The following CSMD2 variants were observed in gnomAD, a reference collection of about 807,000 sequenced individuals.
CSMD2 encodes CUB and Sushi multiple domains 2.
A neutral mutation model predicts 398.5 loss-of-function variants in CSMD2; 130 were observed. The observed-to-expected ratio is 0.33, with a 90% CI of 0.28 to 0.38. The LOEUF is 0.38. CSMD2 is among the 10% of genes least tolerant of loss of function. The pLI is 1.00. For synonymous variants in CSMD2, 1,828 were observed against 1,908.5 expected, an observed-to-expected ratio of 0.96 and a Z score of 1.10; for missense variants, 3,829 against 4,764.9, an observed-to-expected ratio of 0.80 and a Z score of 5.78.
intron 2 of CSMD2, among the ~76,000 whole-genome samples, chr1:34,087,982 G>C (rs930220678): frequency 1.3e-5 from 2 of 151,890 alleles, no homozygotes; most frequent in African/African-American, 4.8e-5. Context: ...GGCCCCAGAT[G>C]CCCCCCCGCC....
intron 13 of CSMD2, among the ~76,000 whole-genome samples, chr1:33,758,862 T>C (rs1179817748): frequency 1.3e-5 from 2 of 152,192 alleles, no homozygotes; most frequent in Admixed American, 1.3e-4. Context: ...CCTTCTGGCA[T>C]GAGAACAACA....
At chr1:33,735,322 G>A (rs903660883) in intron 15 of CSMD2, among the ~76,000 whole-genome samples, 7 of 152,200 alleles carry the variant, frequency 4.6e-5, no homozygotes, top group African/African-American at 1.7e-4. Context: ...GTTGAAATGA[G>A]GTGACACTGT....
At chr1:34,009,090 GA>G (rs1373073181) in intron 3 of CSMD2, among the ~76,000 whole-genome samples, 3 of 152,148 alleles carry the variant, frequency 2.0e-5, no homozygotes, top group East Asian at 1.9e-4. Context: ...CAGCTGCAGA[GA>G]ATAAGGGGCT....
At chr1:34,134,052 C>CA (rs59062675) in intron 1 of CSMD2, among the ~76,000 whole-genome samples, 985 of 85,210 alleles carry the variant, frequency 0.012, 37 homozygotes, top group African/African-American at 0.035. Context: ...GACTCTGTCT[C>CA]AAAAAAAAAA....
chr1:34,039,100 A>T (rs1651524457), intron 2 of CSMD2, among the ~76,000 whole-genome samples: 1 of 152,076 alleles, frequency 6.6e-6, no homozygotes. Flanking sequence ...AGACCAGCCT[A>T]TTCTGCATGC....
intron 5 of CSMD2, among the ~76,000 whole-genome samples, chr1:33,861,556 T>A (rs979340723): frequency 6.6e-6 from 1 of 152,212 alleles, no homozygotes; most frequent in Non-Finnish European, 1.5e-5. Flanking sequence ...CTCTAGGCTG[T>A]GTGACTGCCA....
intron 13 of CSMD2, among the ~76,000 whole-genome samples, chr1:33,764,230 C>T (rs1475561530): frequency 2.0e-5 from 3 of 152,162 alleles, no homozygotes; most frequent in Admixed American, 6.5e-5. Context: ...TGACCCATTC[C>T]TTCATCCAGG....
intron 4 of CSMD2, among the ~76,000 whole-genome samples, chr1:33,921,671 C>A (rs567560611): frequency 6.6e-6 from 1 of 152,298 alleles, no homozygotes; most frequent in East Asian, 1.9e-4. Context: ...CCCTCAGAGG[C>A]AAGAAGGCCT....
intron 1 of CSMD2, among the ~76,000 whole-genome samples, chr1:34,132,225 G>A (rs1663424427): frequency 6.6e-6 from 1 of 151,942 alleles, no homozygotes; most frequent in Non-Finnish European, 1.5e-5. Context: ...AAGGGAGAAT[G>A]GGAGACCTGT....
At chr1:33,620,806 C>CTTTTTTTT in intron 37 of CSMD2, among the ~76,000 whole-genome samples, 1 of 91,924 alleles carries the variant, frequency 1.1e-5, no homozygotes, top group Non-Finnish European at 2.1e-5. Flanking sequence ...TGTCCTGGGT[C>CTTTTTTTT]TTTTTTTTTT....
At chr1:33,694,725 AACAG>A in intron 24 of CSMD2, among the ~76,000 whole-genome samples, 1 of 152,340 alleles carries the variant, frequency 6.6e-6, no homozygotes, top group South Asian at 2.1e-4. Flanking sequence ...GCAGTGTGAG[AACAG>A]ACTAATATAA....
intron 1 of CSMD2, among the ~76,000 whole-genome samples, chr1:34,095,772 C>T (rs1001511460): frequency 1.3e-5 from 2 of 150,428 alleles, no homozygotes; most frequent in Admixed American, 6.6e-5. Context: ...TAATCAATAG[C>T]TTACCAACCA....
At chr1:33,862,347 GT>G (rs1433991887) in intron 5 of CSMD2, 1 of 88,960 alleles carries the variant, frequency 1.1e-5, no homozygotes, top group African/African-American at 1.4e-4. Flanking sequence ...GCTACTCTGT[GT>G]GTGTGTGTGT....
rs1372862509 is a variant in CSMD2, at chr1:33,792,531, G to A, written c.1447-5C>T. Reference sequence around the variant, plus strand: ...CTCAAAGGCGAGCTTGATCACCTAGGGAGGGAACACAGGGTTAGGAGCAGG... The same window carrying A: ...CTCAAAGGCGAGCTTGATCACCTAGAGAGGGAACACAGGGTTAGGAGCAGG... On this transcript the variant is annotated splice_region_variant and splice_polypyrimidine_tract_variant and intron_variant, in intron 10 of 70. Transcript: ENST00000373381. The A allele has an allele frequency of 6.2e-7, 1 of 1,605,626 alleles. No homozygotes were observed. The highest frequency in any genetic ancestry group is 8.5e-7 in the Non-Finnish European group (1 of 1,172,264).
intron 65 of CSMD2, 33 bp downstream of exon 65, chr1:33,527,163 G>GT: frequency 6.2e-7 from 1 of 1,600,480 alleles, no homozygotes; most frequent in South Asian, 1.1e-5. Context: ...AGTAACACCA[G>GT]TTTCTTGAGC....
At chr1:33,575,000 T>C (rs1659938900) in intron 49 of CSMD2, among the ~76,000 whole-genome samples, 1 of 152,172 alleles carries the variant, frequency 6.6e-6, no homozygotes, top group African/African-American at 2.4e-5. Context: ...GGCCTGGCCT[T>C]GCTCTTGTAG....
chr1:33,949,937 T>C (rs945518997), intron 3 of CSMD2, among the ~76,000 whole-genome samples: 2 of 152,106 alleles, frequency 1.3e-5, no homozygotes, highest in Non-Finnish European at 2.9e-5. Context: ...CAAATTACTC[T>C]CCTGCCCTTG....
intron 3 of CSMD2, among the ~76,000 whole-genome samples, chr1:33,946,558 T>C (rs568078182): frequency 6.6e-6 from 1 of 152,186 alleles, no homozygotes; most frequent in African/African-American, 2.4e-5. Context: ...TCCAGAGGAA[T>C]GTAGCATGTT....
intron 32 of CSMD2, among the ~76,000 whole-genome samples, chr1:33,630,181 C>T (rs1440479223): frequency 6.6e-6 from 1 of 152,002 alleles, no homozygotes; most frequent in African/African-American, 2.4e-5. Flanking sequence ...TAAATGTAGA[C>T]CTCTCTATAG....
Sources: allele counts gnomAD v4.1 joint callset (sites outside exome capture counted in the v4.1 genomes callset), GRCh38; gene constraint gnomAD v4.1.1; transcripts MANE v1.5; gene names NCBI Gene and HGNC (gene_info 2026-07-23, HGNC 2026-07-21).